FBXL17: variants seen among roughly 807,000 people sequenced by gnomAD.
FBXL17 encodes the protein F-box and leucine rich repeat protein 17.
FBXL17 carries 22 observed loss-of-function variants against 66.2 expected under a neutral mutation model. The ratio of observed to expected loss-of-function variants is 0.33; its 90% confidence interval spans 0.24 to 0.47. The LOEUF is 0.47. FBXL17 is among the 20% of genes least tolerant of loss of function. The pLI is 1.00. For synonymous variants in FBXL17, 474 were observed against 400.5 expected, an observed-to-expected ratio of 1.18 and a Z score of -2.19; for missense variants, 878 against 948.2, an observed-to-expected ratio of 0.93 and a Z score of 0.97.
At chr5:108,329,124 A>T (rs1169105718) in intron 4 of FBXL17, among the ~76,000 whole-genome samples, 1 of 152,156 alleles carries the variant, frequency 6.6e-6, no homozygotes, top group Non-Finnish European at 1.5e-5. Flanking sequence ...ATATTTAGGT[A>T]TATCTTGTCT....
intron 5 of FBXL17, among the ~76,000 whole-genome samples, chr5:108,217,787 C>T (rs1016163299): frequency 6.6e-6 from 1 of 152,068 alleles, no homozygotes; most frequent in African/African-American, 2.4e-5. Context: ...CTTTCCCTCC[C>T]TTCAGCATCT....
At chr5:108,129,177 A>G (rs1349575557) in intron 6 of FBXL17, among the ~76,000 whole-genome samples, 1 of 152,148 alleles carries the variant, frequency 6.6e-6, no homozygotes, top group African/African-American at 2.4e-5. Flanking sequence ...CTGATGGAGC[A>G]CGTGAATTAA....
In FBXL17 at chr5:107,962,113, C is replaced by A. The variant is rs958129809; in HGVS notation, c.1822+58812G>T. On this transcript the variant is annotated intron_variant, in intron 7 of 8. Coordinates refer to ENST00000542267, the MANE Select transcript of FBXL17 (RefSeq NM_001163315.3). ...TAAGATTAAAAATAAAATATCTATA[C>A]AATTTCTCTTTCAGATGATGAAAAA... Among the ~76,000 whole-genome samples the A allele has an allele frequency of 8.5e-5, 13 of 152,188 alleles. No homozygotes were observed. The East Asian group carries it at 1.7e-3, about 20-fold the overall frequency.
At chr5:108,155,131 C>T (rs1012853697) in intron 6 of FBXL17, among the ~76,000 whole-genome samples, 1 of 151,986 alleles carries the variant, frequency 6.6e-6, no homozygotes, top group Non-Finnish European at 1.5e-5. Context: ...CATTTTAAAC[C>T]TCTGGTGAAG....
At chr5:108,185,517 CTT>C (rs1474754811) in intron 6 of FBXL17, among the ~76,000 whole-genome samples, 4 of 152,250 alleles carry the variant, frequency 2.6e-5, no homozygotes, top group African/African-American at 9.6e-5. Flanking sequence ...AATTAAACCT[CTT>C]GTCTTTATAA....
intron 6 of FBXL17, among the ~76,000 whole-genome samples, chr5:108,161,320 T>C (rs998240605): frequency 2.0e-5 from 3 of 151,856 alleles, no homozygotes; most frequent in Non-Finnish European, 4.4e-5. Flanking sequence ...CCGTCTCTAC[T>C]AAAATACAAA....
At chr5:108,293,803 G>A (rs1392018685) in intron 4 of FBXL17, among the ~76,000 whole-genome samples, 1 of 151,916 alleles carries the variant, frequency 6.6e-6, no homozygotes, top group Non-Finnish European at 1.5e-5. Context: ...TACTTTGGGA[G>A]GCCGAGGTGG....
At chr5:108,130,725 C>T (rs1343550545) in intron 6 of FBXL17, among the ~76,000 whole-genome samples, 2 of 151,876 alleles carry the variant, frequency 1.3e-5, no homozygotes, top group Non-Finnish European at 2.9e-5. Flanking sequence ...TATAGACTGT[C>T]AATTGTGTTC....
At chr5:108,072,981 T>G (rs950376941) in intron 6 of FBXL17, among the ~76,000 whole-genome samples, 53 of 152,224 alleles carry the variant, frequency 3.5e-4, no homozygotes, top group African/African-American at 1.3e-3. Context: ...TATATATGCT[T>G]ATTTTTTGAT....
chr5:107,991,714 T>G (rs1389225072), intron 7 of FBXL17, among the ~76,000 whole-genome samples: 1 of 152,210 alleles, frequency 6.6e-6, no homozygotes, highest in East Asian at 1.9e-4. Context: ...CTTTCAGATC[T>G]AAGTTTCCCT....
chr5:108,130,693 C>T lies in FBXL17; in HGVS notation c.1745+55424G>A, dbSNP rs536358142. Reference sequence around the variant, plus strand: ...TGTTAAAGAATGTCTGCTTTAATATCCTACTTTATTTTTTTAACTTTTATA... The same window carrying T: ...TGTTAAAGAATGTCTGCTTTAATATTCTACTTTATTTTTTTAACTTTTATA... On this transcript the variant is annotated intron_variant, in intron 6 of 8. Transcript: ENST00000542267. 3.9e-5 allele frequency among the ~76,000 whole-genome samples: 6 copies of T among 152,058 alleles called. No homozygotes were observed. The South Asian group carries it at 1.0e-3, about 26-fold the overall frequency.
intron 7 of FBXL17, among the ~76,000 whole-genome samples, chr5:107,947,084 A>T (rs1751333527): frequency 6.6e-6 from 1 of 152,228 alleles, no homozygotes; most frequent in Non-Finnish European, 1.5e-5. Flanking sequence ...TACGTCTCTC[A>T]GTAAACTCCA....
At chr5:108,304,250 T>C (rs1219531972) in intron 4 of FBXL17, among the ~76,000 whole-genome samples, 2 of 152,008 alleles carry the variant, frequency 1.3e-5, no homozygotes, top group African/African-American at 4.8e-5. Context: ...TTTCTTCAAG[T>C]AACAGCATTC....
chr5:108,133,533 T>C (rs1260811440), intron 6 of FBXL17, among the ~76,000 whole-genome samples: 2 of 152,102 alleles, frequency 1.3e-5, no homozygotes, highest in Non-Finnish European at 2.9e-5. Context: ...GAGACTGAAT[T>C]TTAAATTCCC....
intron 5 of FBXL17, among the ~76,000 whole-genome samples, chr5:108,220,611 A>G (rs1754820037): frequency 6.6e-6 from 1 of 152,024 alleles, no homozygotes; most frequent in East Asian, 1.9e-4. Context: ...ATTTTTATAT[A>G]TTTTATTTCT....
intron 8 of FBXL17, among the ~76,000 whole-genome samples, chr5:107,876,819 T>C (rs552090103): frequency 5.3e-5 from 8 of 152,328 alleles, no homozygotes; most frequent in Middle Eastern, 3.4e-3. Flanking sequence ...TAGAATTCAC[T>C]GAAGTCACAA....
At chr5:108,309,238 A>T (rs1758999007) in intron 4 of FBXL17, among the ~76,000 whole-genome samples, 1 of 152,092 alleles carries the variant, frequency 6.6e-6, no homozygotes, top group Admixed American at 6.5e-5. Context: ...ATAAGCCAAA[A>T]TAACAGAGCA....
intron 8 of FBXL17, among the ~76,000 whole-genome samples, chr5:107,870,591 CTTT>C (rs1312573602): frequency 7.0e-5 from 10 of 143,646 alleles, no homozygotes; most frequent in Non-Finnish European, 1.4e-4. Flanking sequence ...TATTTAATAC[CTTT>C]TTTTTTTTTT....
intron 6 of FBXL17, among the ~76,000 whole-genome samples, chr5:108,181,028 T>C (rs1312230360): frequency 6.6e-6 from 1 of 152,176 alleles, no homozygotes; most frequent in East Asian, 1.9e-4. Flanking sequence ...TTAAAATCAA[T>C]TAGATTTTAT....
Sources: allele counts gnomAD v4.1 joint callset (sites outside exome capture counted in the v4.1 genomes callset), GRCh38; gene constraint gnomAD v4.1.1; transcripts MANE v1.5; gene names NCBI Gene and HGNC (gene_info 2026-07-23, HGNC 2026-07-21).